The following TMTC1 variants were observed in gnomAD, a reference collection of about 807,000 sequenced individuals.
TMTC1 encodes the protein protein O-mannosyl-transferase TMTC1.
TMTC1 carries 73 observed loss-of-function variants against 104.8 expected under a neutral mutation model. That is an observed-to-expected ratio of 0.70 (90% CI 0.58 to 0.85). The LOEUF (loss-of-function observed/expected upper bound fraction) is 0.85. TMTC1 is among the 40% of genes least tolerant of loss of function. The probability of loss-of-function intolerance (pLI) is 0.00; values close to 1 mark genes in which losing one functional copy is unlikely to be tolerated. For missense variants in TMTC1, 1,035 were observed against 1,096.1 expected (o/e 0.94, Z 0.79); for synonymous variants, 434 against 428.7 (o/e 1.01, Z -0.15).
chr12:29,763,585 G>T lies in TMTC1; in HGVS notation c.480+4313C>A, dbSNP rs570485159. Among the ~76,000 whole-genome samples the T allele has an allele frequency of 2.0e-5, 3 of 152,302 alleles. 1 individual carries two copies. The East Asian group carries it at 5.8e-4, about 29-fold the overall frequency. On this transcript the variant is annotated intron_variant, in intron 2 of 17. Coordinates refer to ENST00000539277, the MANE Select transcript of TMTC1 (RefSeq NM_001193451.2). Reference sequence around the variant, plus strand: ...ACATCTGGTGGGGAGTCAAAAGAGGGTATTAAATAGCACACAAGGAAACTG... The same window carrying T: ...ACATCTGGTGGGGAGTCAAAAGAGGTTATTAAATAGCACACAAGGAAACTG...
chr12:29,585,157 T>C (rs1190854192), intron 7 of TMTC1, among the ~76,000 whole-genome samples: 3 of 151,550 alleles, frequency 2.0e-5, no homozygotes, highest in Admixed American at 6.6e-5. Context: ...TGGTATCTCA[T>C]TGTGGTTTTG....
In TMTC1 at chr12:29,514,470, A is replaced by T. The variant is rs778006239; in HGVS notation, c.2430+12T>A. The stretch of plus-strand genomic sequence containing the variant: ...GTGAATTTGATGATATAATTTTATG[A>T]TGAGTTTATACCTCAAAAGCTTTGT... On this transcript the variant is annotated intron_variant, in intron 16 of 17. Coordinates refer to ENST00000539277, the MANE Select transcript of TMTC1 (RefSeq NM_001193451.2). 1 of 1,591,798 alleles carries T rather than the reference A, an allele frequency of 6.3e-7. No individual in the cohort carries two copies. The highest frequency in any genetic ancestry group is 1.1e-5 in the South Asian group (1 of 87,348).
intron 6 of TMTC1, among the ~76,000 whole-genome samples, chr12:29,626,035 T>G (rs1346517585): frequency 6.6e-6 from 1 of 152,230 alleles, no homozygotes; most frequent in African/African-American, 2.4e-5. Context: ...GAAAAGATTC[T>G]CTAGACTAAA....
chr12:29,700,475 T>A (rs1418887226), intron 5 of TMTC1, among the ~76,000 whole-genome samples: 3 of 152,066 alleles, frequency 2.0e-5, no homozygotes, highest in African/African-American at 7.2e-5. Context: ...TCTGGAATTA[T>A]AGGCATGAGC....
rs113327246 is a variant in TMTC1, at chr12:29,631,671, T to C, written c.1128+1476A>G. ...TAGTAATCGTTGGTTAAACTGGGTG[T>C]TGCATGCCACACATTGTAGGGACCC... On this transcript the variant is annotated intron_variant, in intron 6 of 17. Transcript: ENST00000539277. Among the ~76,000 whole-genome samples the C allele has an allele frequency of 5.9e-3, 903 of 152,322 alleles. 10 individuals are homozygous for C. Among genetic ancestry groups the C allele is most frequent in the African/African-American group, 0.02 (848 of 41,570 alleles).
At chr12:29,577,548 G>A (rs1182174091) in intron 8 of TMTC1, among the ~76,000 whole-genome samples, 2 of 152,100 alleles carry the variant, frequency 1.3e-5, no homozygotes, top group Admixed American at 1.3e-4. Flanking sequence ...CACAGAATAG[G>A]AGGACCCAAA....
At chr12:29,656,328 A>ATATATATG (rs1414707757) in intron 5 of TMTC1, among the ~76,000 whole-genome samples, 2 of 148,382 alleles carry the variant, frequency 1.3e-5, no homozygotes, top group African/African-American at 5.0e-5. Context: ...GGATATATAT[A>ATATATATG]TATATATATA....
chr12:29,607,021 G>A (rs751753439), intron 6 of TMTC1, among the ~76,000 whole-genome samples: 10 of 152,064 alleles, frequency 6.6e-5, no homozygotes, highest in Non-Finnish European at 1.3e-4. Flanking sequence ...GATGCCCATG[G>A]CACTGATTGC....
chr12:29,643,627 A>G (rs1159206197), intron 5 of TMTC1, among the ~76,000 whole-genome samples: 13 of 17,284 alleles, frequency 7.5e-4, no homozygotes, highest in Non-Finnish European at 1.2e-3. Flanking sequence ...ATATCTATAT[A>G]TTATATATAT....
At chr12:29,754,345 GA>G (rs1405713852) in intron 4 of TMTC1, among the ~76,000 whole-genome samples, 2 of 152,278 alleles carry the variant, frequency 1.3e-5, no homozygotes, top group East Asian at 3.9e-4. Flanking sequence ...GAAGAAGAAA[GA>G]AAGAGGTGTA....
chr12:29,748,691 T>TA (rs1487763056), intron 5 of TMTC1, among the ~76,000 whole-genome samples: 1 of 152,222 alleles, frequency 6.6e-6, no homozygotes, highest in Non-Finnish European at 1.5e-5. Context: ...TTCTGGTACA[T>TA]AGTAGTTGGA....
rs990834420 is a variant in TMTC1, at chr12:29,604,252, G to T, written c.1176C>A (p.Phe392Leu). The T allele has an allele frequency of 1.6e-5, 26 of 1,613,924 alleles. No homozygotes were observed. Among genetic ancestry groups the T allele is most frequent in the Non-Finnish European group, 2.2e-5 (26 of 1,179,894 alleles). ...AGAGGTTGCTGGCTGGAATGAACGGGAACACCAGGAACAACAAGCCGACTA... is the reference window on the plus strand; with the variant it reads ...AGAGGTTGCTGGCTGGAATGAACGGTAACACCAGGAACAACAAGCCGACTA... ...EVLVGLLFLV[F>L]PFIPASNLFF... is the part of the protein sequence containing the mutation. The change falls in exon 7 of 18, where the codon TTC becomes TTA. Residue 392 changes from phenylalanine to leucine, a missense_variant. Phe to Leu is a conservative substitution (Grantham distance 22, BLOSUM62 0). Transcript: ENST00000539277.
intron 9 of TMTC1, among the ~76,000 whole-genome samples, chr12:29,557,913 T>G (rs996928634): frequency 6.6e-6 from 1 of 152,206 alleles, no homozygotes; most frequent in Non-Finnish European, 1.5e-5. Flanking sequence ...TGGTTCCACC[T>G]GTCCTAGTAC....
At chr12:29,619,726 A>G (rs1465148772) in intron 6 of TMTC1, among the ~76,000 whole-genome samples, 1 of 152,230 alleles carries the variant, frequency 6.6e-6, no homozygotes, top group African/African-American at 2.4e-5. Flanking sequence ...CCATTTGTAA[A>G]TAAGTCACTA....
intron 8 of TMTC1, among the ~76,000 whole-genome samples, chr12:29,579,270 T>C (rs1945909858): frequency 6.6e-6 from 1 of 152,204 alleles, no homozygotes; most frequent in Non-Finnish European, 1.5e-5. Flanking sequence ...CACTAATGTG[T>C]CCATGTGTTT....
chr12:29,643,859 A>ATATATTTATATATATT (rs1565734331), intron 5 of TMTC1, among the ~76,000 whole-genome samples: 3 of 63,212 alleles, frequency 4.7e-5, no homozygotes, highest in Admixed American at 2.6e-4. Context: ...ATATATATTT[A>ATATATTTATATATATT]TATATATTTT....
intron 10 of TMTC1, among the ~76,000 whole-genome samples, chr12:29,539,738 C>T (rs1944744384): frequency 1.3e-5 from 2 of 152,188 alleles, no homozygotes; most frequent in Admixed American, 6.5e-5. Flanking sequence ...GGATGCCCTC[C>T]GTATGAATAT....
intron 7 of TMTC1, among the ~76,000 whole-genome samples, chr12:29,592,023 T>C (rs1040452922): frequency 6.6e-6 from 1 of 152,236 alleles, no homozygotes; most frequent in South Asian, 2.1e-4. Flanking sequence ...ATATTTGCTA[T>C]GGCTTCACTT....
chr12:29,716,156 G>A (rs987018080), intron 5 of TMTC1, among the ~76,000 whole-genome samples: 2 of 152,008 alleles, frequency 1.3e-5, no homozygotes, highest in Admixed American at 1.3e-4. Flanking sequence ...GTAGCTAAGA[G>A]CACAGGTGCA....
Sources: gnomAD v4.1 joint callset for allele counts (sites outside exome capture counted in the v4.1 genomes callset) on GRCh38, gnomAD v4.1.1 for gene constraint, MANE v1.5 for transcripts, NCBI Gene and HGNC (gene_info 2026-07-23, HGNC 2026-07-21) for gene names.